AQP7: variants seen among roughly 807,000 people sequenced by gnomAD.
The protein encoded by AQP7 is aquaporin-7.
A neutral mutation model predicts 26.1 loss-of-function variants in AQP7; 22 were observed. The observed-to-expected ratio is 0.84, with a 90% CI of 0.60 to 1.20. AQP7 has a LOEUF of 1.20. Ranked by LOEUF, AQP7 falls within the 50% of genes most tolerant of loss-of-function variation. The pLI is 0.00. For synonymous variants in AQP7, 167 were observed against 181.7 expected, an observed-to-expected ratio of 0.92 and a Z score of 0.65; for missense variants, 412 against 457.5, an observed-to-expected ratio of 0.90 and a Z score of 0.91.
At position 33,383,396 on chromosome 9, in the gene AQP7, A is replaced by G. The variant is rs1824501424; in HGVS notation, c.*1609T>C. ...TGATGTAACTTATCTTCCTCTCCAA[A>G]CCATTTCCTCACTTGTGCCCTACTC... On this transcript the variant is annotated 3_prime_UTR_variant, in exon 8 of 8. Coordinates refer to ENST00000297988, the MANE Select transcript of AQP7 (RefSeq NM_001170.3). 6.6e-6 allele frequency: 1 copy of G among 151,516 alleles called. No homozygotes were observed. The highest frequency in any genetic ancestry group is 2.4e-5 in the African/African-American group (1 of 41,162). 9.4% of individuals were successfully genotyped at this position (151,516 alleles called of 1,614,324 possible).
Position 33,401,355 on chromosome 9 carries a change from C to T in AQP7, c.-25-68G>A, listed in dbSNP as rs766033758. 11 of 1,378,408 alleles carry T rather than the reference C, an allele frequency of 8.0e-6. No individual in the cohort carries two copies. The South Asian group carries it at 1.2e-4, about 16-fold the overall frequency. 85.4% of individuals were successfully genotyped at this position (1,378,408 alleles called of 1,614,324 possible). On this transcript the variant is annotated intron_variant, in intron 1 of 7. Transcript: ENST00000297988. ...ACTTGGCCCCACACTTCCATCAGAC[C>T]TTGGTCCCCAGGGGAGAAGCCCTGG... is the stretch of plus-strand genomic sequence containing the variant.
intron 2 of AQP7, among the ~76,000 whole-genome samples, chr9:33,397,537 G>C (rs1825944360): frequency 6.6e-6 from 1 of 151,986 alleles, no homozygotes; most frequent in Non-Finnish European, 1.5e-5. Context: ...TTGTTTCTCT[G>C]GGGTAAGGAA....
At chr9:33,397,453 G>T (rs980261283) in intron 2 of AQP7, among the ~76,000 whole-genome samples, 1 of 152,104 alleles carries the variant, frequency 6.6e-6, no homozygotes, top group African/African-American at 2.4e-5. Context: ...TGCTGCATGG[G>T]AGCTGGAGTT....
intron 1 of AQP7, chr9:33,402,015 C>T (rs1252499363): frequency 6.6e-6 from 1 of 152,554 alleles, no homozygotes; most frequent in African/African-American, 2.4e-5. Context: ...TGCCTGCACG[C>T]CTCCCGCTGT....
At chr9:33,396,053 A>G (rs537000725) in intron 2 of AQP7, among the ~76,000 whole-genome samples, 6 of 152,278 alleles carry the variant, frequency 3.9e-5, no homozygotes, top group South Asian at 4.1e-4. Context: ...GGTAGATGAA[A>G]CAGGTGAGTA....
intron 3 of AQP7, among the ~76,000 whole-genome samples, chr9:33,394,459 T>C (rs1825677070): frequency 6.7e-6 from 1 of 150,004 alleles, no homozygotes; most frequent in Admixed American, 6.6e-5. Flanking sequence ...AGCCCGATCA[T>C]CAAGTTTCTC....
At chr9:33,386,349 A>G (rs1357161729) in intron 5 of AQP7, 55 bp downstream of exon 5, 6 of 1,605,544 alleles carry the variant, frequency 3.7e-6, no homozygotes, top group Middle Eastern at 1.7e-4. Context: ...CAATCTGCCC[A>G]TATTTCATAG....
At chr9:33,386,293 G>C (rs1038259968) in intron 5 of AQP7, 98 bp from the exon 6 acceptor site, 1 of 1,597,138 alleles carries the variant, frequency 6.3e-7, no homozygotes, top group African/African-American at 1.3e-5. Context: ...GGATCTCCAA[G>C]GCTTTTTTCT....
intron 1 of AQP7, 57 bp downstream of exon 1, chr9:33,402,316 C>T (rs191803946): frequency 6.6e-6 from 1 of 152,552 alleles, no homozygotes; most frequent in Admixed American, 6.5e-5. Flanking sequence ...ATGGCCCTTC[C>T]AGATCTGGGC....
intron 2 of AQP7, chr9:33,400,919 T>A: frequency 2.5e-6 from 1 of 396,746 alleles, no homozygotes; most frequent in Admixed American, 3.6e-5. Context: ...TTGCAAGGAC[T>A]GGCTCTTGTT....
At chr9:33,392,357 G>A (rs1825486679) in intron 3 of AQP7, among the ~76,000 whole-genome samples, 1 of 151,742 alleles carries the variant, frequency 6.6e-6, no homozygotes, top group Non-Finnish European at 1.5e-5. Flanking sequence ...TTGACTTACA[G>A]TGTGACCTTG....
At chr9:33,397,279 G>A (rs1236979576) in intron 2 of AQP7, among the ~76,000 whole-genome samples, 2 of 152,066 alleles carry the variant, frequency 1.3e-5, no homozygotes, top group East Asian at 1.9e-4. Context: ...AAAGGAGCCA[G>A]GCTTCCAGGA....
chr9:33,399,906 G>C (rs1826132614), intron 2 of AQP7, among the ~76,000 whole-genome samples: 2 of 152,166 alleles, frequency 1.3e-5, no homozygotes, highest in Admixed American at 1.3e-4. Flanking sequence ...TTGGTGACTG[G>C]ATGTGAGACA....
Position 33,395,103 on chromosome 9 carries a change from T to A in AQP7, c.119A>T (p.Glu40Val). The change falls in exon 3 of 8, where the codon GAG becomes GTG. Residue 40 changes from glutamate (E) to valine (V), a missense_variant. Physicochemically the swap from Glu to Val is moderately radical, Grantham distance 121. Coordinates refer to ENST00000297988, the MANE Select transcript of AQP7 (RefSeq NM_001170.3). ...QRKMVREFLA[E>V]FMSTYVMMVF... ...CATCATGACATATGTGCTCATGAAC[T>A]CGGCCAGGAACTCTCGCACCATCTT... 6.2e-7 allele frequency: 1 copy of A among 1,611,782 alleles called. No individual in the cohort carries two copies. The highest frequency in any genetic ancestry group is 8.5e-7 in the Non-Finnish European group (1 of 1,178,400).
At chr9:33,397,329 C>G (rs1414259616) in intron 2 of AQP7, among the ~76,000 whole-genome samples, 1 of 152,012 alleles carries the variant, frequency 6.6e-6, no homozygotes, top group African/African-American at 2.4e-5. Flanking sequence ...GTCTACCTCT[C>G]CCCTGCCTCT....
intron 2 of AQP7, among the ~76,000 whole-genome samples, chr9:33,396,438 CAAAA>C (rs3055483): frequency 5.5e-4 from 17 of 30,810 alleles, no homozygotes; most frequent in African/African-American, 1.6e-3. Context: ...GACTCCATCT[CAAAA>C]AAAAAAAAAA....
intron 2 of AQP7, among the ~76,000 whole-genome samples, chr9:33,400,269 G>GA (rs199637805): frequency 0.013 from 2,011 of 152,162 alleles, 38 homozygotes; most frequent in African/African-American, 0.045. Context: ...AGCTCCTACG[G>GA]AAAAAAACAG....
intron 2 of AQP7, among the ~76,000 whole-genome samples, chr9:33,398,904 A>T (rs1826041755): frequency 6.6e-6 from 1 of 152,110 alleles, no homozygotes; most frequent in African/African-American, 2.4e-5. Flanking sequence ...TTCCCTAAGT[A>T]ATCTGCTAAC....
Position 33,387,089 on chromosome 9 carries a change from A to C in AQP7, c.148T>G (p.Phe50Val). 1 of 1,611,784 alleles carries C rather than the reference A, an allele frequency of 6.2e-7. No individual in the cohort carries two copies. Among genetic ancestry groups the C allele is most frequent in the Non-Finnish European group, 8.5e-7 (1 of 1,179,702 alleles). Residue 50 changes from phenylalanine to valine, a missense_variant, in exon 4 of 8, where the codon TTC becomes GTC. By Grantham distance (50) the Phe-to-Val change is conservative. Coordinates refer to ENST00000297988, the MANE Select transcript of AQP7 (RefSeq NM_001170.3). Reference sequence around the variant, plus strand: ...ATATGGGCCACGGAACCAAGGCCGAATACCTACAAGGGAGGGCCTCTAAGG... The same window carrying C: ...ATATGGGCCACGGAACCAAGGCCGACTACCTACAAGGGAGGGCCTCTAAGG... Reference protein sequence around the residue: ...EFMSTYVMMVFGLGSVAHMVL... With the variant: ...EFMSTYVMMVVGLGSVAHMVL...
Sources: gnomAD v4.1 joint callset for allele counts (sites outside exome capture counted in the v4.1 genomes callset) on GRCh38, gnomAD v4.1.1 for gene constraint, MANE v1.5 for transcripts, NCBI Gene and HGNC (gene_info 2026-07-23, HGNC 2026-07-21) for gene names.